The following CDKAL1 variants were observed in gnomAD, a reference collection of about 807,000 sequenced individuals.
CDKAL1 encodes CDKAL1 threonylcarbamoyladenosine tRNA methylthiotransferase.
Under a neutral mutation model 68.2 loss-of-function variants are expected in CDKAL1, and 32 were observed. The ratio of observed to expected loss-of-function variants is 0.47; its 90% CI spans 0.35 to 0.63. CDKAL1 has a LOEUF of 0.63. CDKAL1 is among the 30% of genes least tolerant of loss of function. CDKAL1 has a pLI of 0.00. For synonymous variants in CDKAL1, 234 were observed against 244.3 expected, an observed-to-expected ratio of 0.96 and a Z score of 0.39; for missense variants, 606 against 696.7, an observed-to-expected ratio of 0.87 and a Z score of 1.47.
At chr6:21,192,558 A>G (rs11964193) in intron 13 of CDKAL1, among the ~76,000 whole-genome samples, 145 of 152,298 alleles carry the variant, frequency 9.5e-4, no homozygotes, top group African/African-American at 3.0e-3. Context: ...GAGAGCTACA[A>G]TCAAGTTACT....
At chr6:21,201,408 A>G in intron 15 of CDKAL1, 134 bp downstream of exon 15, 1 of 649,856 alleles carries the variant, frequency 1.5e-6, no homozygotes, top group East Asian at 3.0e-5. Context: ...ATCCTTTCTG[A>G]CAGATTGAAA....
rs796646287 is a variant in CDKAL1, at chr6:20,706,861, T to TA, written c.372-32648dup. Reference sequence around the variant, plus strand: ...TGAAAAGTTTGAGCCATCTGTTACTTAAAAAAAAAATTACCCCAGTGTACC... The same window carrying TA: ...TGAAAAGTTTGAGCCATCTGTTACTTAAAAAAAAAAATTACCCCAGTGTACC... On this transcript the variant is annotated intron_variant, in intron 5 of 15. Coordinates refer to ENST00000274695, the MANE Select transcript of CDKAL1 (RefSeq NM_017774.3). Among the ~76,000 whole-genome samples, 131 of 135,892 alleles carry TA rather than the reference T, an allele frequency of 9.6e-4. 2 individuals carry two copies. Among genetic ancestry groups the TA allele is most frequent in the Admixed American group, 7.0e-3 (89 of 12,668 alleles). 89.2% of individuals were successfully genotyped at this position (135,892 alleles called of 152,430 possible). A position where few individuals can be genotyped will look rare whatever the true frequency, so the allele number is the denominator to read the frequency against.
At chr6:20,763,640 C>A (rs570787688) in intron 7 of CDKAL1, among the ~76,000 whole-genome samples, 1 of 152,268 alleles carries the variant, frequency 6.6e-6, no homozygotes, top group East Asian at 1.9e-4. Flanking sequence ...GACATACAGC[C>A]TCTGTCACAG....
chr6:21,194,737 T>G (rs1328839216), intron 13 of CDKAL1, among the ~76,000 whole-genome samples: 3 of 152,314 alleles, frequency 2.0e-5, no homozygotes, highest in Non-Finnish European at 4.4e-5. Flanking sequence ...ATTTGAGGCT[T>G]GTATATGTTT....
chr6:21,198,441 A>C (rs1013226212), intron 14 of CDKAL1, among the ~76,000 whole-genome samples: 4 of 152,108 alleles, frequency 2.6e-5, no homozygotes, highest in African/African-American at 9.7e-5. Context: ...AGACCACAGG[A>C]AGGATGTCTG....
At chr6:21,045,856 G>A (rs1433249828) in intron 11 of CDKAL1, among the ~76,000 whole-genome samples, 1 of 152,162 alleles carries the variant, frequency 6.6e-6, no homozygotes. Flanking sequence ...GGCGTCTCAA[G>A]TCACTATTCA....
In CDKAL1 at chr6:20,546,200, GTTTC is replaced by G. The variant is rs1272459397; in HGVS notation, c.-5-142_-5-139del. The G allele has an allele frequency of 3.4e-5, 20 of 583,384 alleles. No homozygotes were observed. The Admixed American group carries it at 5.1e-4, about 15-fold the overall frequency. 36.1% of individuals were successfully genotyped at this position (583,384 alleles called of 1,614,324 possible). A position where few individuals can be genotyped will look rare whatever the true frequency, so the allele number is the denominator to read the frequency against. On this transcript the variant is annotated intron_variant, in intron 2 of 15. Transcript: ENST00000274695. The stretch of plus-strand genomic sequence containing the variant: ...ACCCAAGATAGTACTTCATCCTTGT[GTTTC>G]TTTATCTCTTGTATTTTCTATAAAT...
intron 7 of CDKAL1, among the ~76,000 whole-genome samples, chr6:20,777,472 G>A (rs1415063067): frequency 6.6e-6 from 1 of 152,012 alleles, no homozygotes; most frequent in Non-Finnish European, 1.5e-5. Flanking sequence ...AAAAGTAACT[G>A]GACGTGGTGG....
At chr6:20,546,252 G>T in intron 2 of CDKAL1, 94 bp from the exon 3 acceptor site, 1 of 944,132 alleles carries the variant, frequency 1.1e-6, no homozygotes. Context: ...CCAAAGGCTT[G>T]ATTAGATTCA....
intron 10 of CDKAL1, among the ~76,000 whole-genome samples, chr6:20,989,224 G>T (rs1403732043): frequency 6.6e-6 from 1 of 152,158 alleles, no homozygotes; most frequent in Non-Finnish European, 1.5e-5. Flanking sequence ...CTGAGTAAGT[G>T]CTTCATTGAC....
At chr6:20,819,320 C>CAA (rs1777178854) in intron 8 of CDKAL1, among the ~76,000 whole-genome samples, 1 of 152,070 alleles carries the variant, frequency 6.6e-6, no homozygotes, top group Non-Finnish European at 1.5e-5. Context: ...AACCATCTCT[C>CAA]TTACTTTGAT....
At chr6:21,045,659 A>C (rs1168245406) in intron 11 of CDKAL1, among the ~76,000 whole-genome samples, 1 of 152,226 alleles carries the variant, frequency 6.6e-6, no homozygotes, top group African/African-American at 2.4e-5. Flanking sequence ...TAAGTAAAGC[A>C]CTAGGAGTCA....
chr6:21,028,581 AC>A (rs1769089233), intron 11 of CDKAL1, among the ~76,000 whole-genome samples: 1 of 152,048 alleles, frequency 6.6e-6, no homozygotes, highest in African/African-American at 2.4e-5. Flanking sequence ...CCCTATAAGG[AC>A]ACCAATTCTA....
intron 9 of CDKAL1, among the ~76,000 whole-genome samples, chr6:20,953,361 C>T (rs1764629915): frequency 6.6e-6 from 1 of 152,134 alleles, no homozygotes; most frequent in South Asian, 2.1e-4. Context: ...GGAACCCACA[C>T]TCTCTACATA....
intron 10 of CDKAL1, among the ~76,000 whole-genome samples, chr6:20,994,116 G>A (rs1766981310): frequency 6.6e-6 from 1 of 152,160 alleles, no homozygotes; most frequent in Non-Finnish European, 1.5e-5. Context: ...CACAATTTGA[G>A]CTAAATGCTT....
chr6:21,103,076 G>A (rs1005371305), intron 12 of CDKAL1, among the ~76,000 whole-genome samples: 7 of 152,276 alleles, frequency 4.6e-5, no homozygotes, highest in African/African-American at 1.4e-4. Flanking sequence ...TTAAGAATCC[G>A]TATGTAGAAA....
chr6:21,034,441 A>C (rs1769465300), intron 11 of CDKAL1, among the ~76,000 whole-genome samples: 1 of 152,226 alleles, frequency 6.6e-6, no homozygotes, highest in Non-Finnish European at 1.5e-5. Flanking sequence ...TAATAAAAAA[A>C]TTTATGAAAT....
intron 13 of CDKAL1, among the ~76,000 whole-genome samples, chr6:21,189,633 G>A (rs1010592596): frequency 6.6e-6 from 1 of 152,116 alleles, no homozygotes; most frequent in Admixed American, 6.5e-5. Flanking sequence ...GAATACGATG[G>A]ACTTAAAGGC....
At chr6:20,670,196 A>T (rs762208933) in intron 5 of CDKAL1, among the ~76,000 whole-genome samples, 1 of 152,202 alleles carries the variant, frequency 6.6e-6, no homozygotes, top group Non-Finnish European at 1.5e-5. Context: ...TTACTAACAC[A>T]AATATAATAT....
Sources: allele counts gnomAD v4.1 joint callset (sites outside exome capture counted in the v4.1 genomes callset), GRCh38; gene constraint gnomAD v4.1.1; transcripts MANE v1.5; gene names NCBI Gene and HGNC (gene_info 2026-07-23, HGNC 2026-07-21).